AFF2: variants seen among roughly 807,000 people sequenced by gnomAD.
The protein encoded by AFF2 is AF4/FMR2 family member 2.
A neutral mutation model predicts 76.9 loss-of-function variants in AFF2; 14 were observed. The ratio of observed to expected loss-of-function variants is 0.18; its 90% CI spans 0.12 to 0.28. The LOEUF (loss-of-function observed/expected upper bound fraction) is 0.28, where lower values mean the gene tolerates loss of function less well. Ranked by LOEUF, AFF2 falls within the 10% of genes least tolerant of loss-of-function variation. The pLI is 1.00. For synonymous variants in AFF2, 398 were observed against 366.7 expected (o/e 1.09, Z -0.98); for missense variants, 868 against 1,001.1 (o/e 0.87, Z 1.79).
At chrX:148,828,973 G>A (rs2070420812) in intron 4 of AFF2, among the ~76,000 whole-genome samples, 1 of 111,825 alleles carries the variant, frequency 8.9e-6, no homozygotes, top group South Asian at 3.8e-4. Flanking sequence ...TGGTTTGGGG[G>A]CTGCCAGGAT....
At chrX:148,959,700 C>T (rs1252649160) in intron 12 of AFF2, among the ~76,000 whole-genome samples, 3 of 112,440 alleles carry the variant, frequency 2.7e-5, no homozygotes, top group African/African-American at 9.7e-5. Flanking sequence ...CACATACATA[C>T]TTGAAGTTCT....
At chrX:148,707,352 G>T (rs1569553850) in intron 3 of AFF2, among the ~76,000 whole-genome samples, 2 of 110,787 alleles carry the variant, frequency 1.8e-5, no homozygotes, top group East Asian at 5.6e-4. Flanking sequence ...TGTATTGTAG[G>T]CATTAACATA....
chrX:148,782,674 G>C (rs141771935), intron 3 of AFF2, among the ~76,000 whole-genome samples: 4,495 of 111,361 alleles, frequency 0.04, 108 homozygotes, highest in Middle Eastern at 0.078. Context: ...TCAGTAATAT[G>C]TTTAGCATAA....
intron 3 of AFF2, among the ~76,000 whole-genome samples, chrX:148,733,978 T>C (rs781827553): frequency 1.8e-5 from 2 of 112,389 alleles, no homozygotes; most frequent in Non-Finnish European, 3.8e-5. Flanking sequence ...TAAATATCCT[T>C]GCATGGCATC....
chrX:148,936,958 T>G (rs2071781901), intron 9 of AFF2, among the ~76,000 whole-genome samples: 1 of 112,151 alleles, frequency 8.9e-6, no homozygotes. Flanking sequence ...GGTTAATATG[T>G]GACATTACTC....
chrX:148,687,063 G>A (rs1407840457), intron 3 of AFF2, among the ~76,000 whole-genome samples: 6 of 111,593 alleles, frequency 5.4e-5, no homozygotes, highest in African/African-American at 2.0e-4. Flanking sequence ...ATACTTTAAC[G>A]CTTAAGCAGT....
chrX:148,562,820 G>T (rs1398034786), intron 1 of AFF2, among the ~76,000 whole-genome samples: 1 of 111,947 alleles, frequency 8.9e-6, no homozygotes, highest in African/African-American at 3.3e-5. Context: ...ACTAGGTACT[G>T]GGGGCTCAGT....
rs368156666 is a variant in AFF2 at position 148,602,924 on chromosome X, A to G, written c.48-49075A>G. Among the ~76,000 whole-genome samples the G allele has an allele frequency of 1.1e-3, 124 of 110,649 alleles. 1 individual carries two copies. In the South Asian group the frequency reaches 0.046, roughly 41 times the overall value. On this transcript the variant is annotated intron_variant, in intron 1 of 20. Transcript: ENST00000370460. ...AATGCTTAGTAGATAATTACAAAGG[A>G]GTCTTAGGAGAGAAACAACTTTGGA...
chrX:148,576,941 T>G (rs1008755191), intron 1 of AFF2, among the ~76,000 whole-genome samples: 1 of 111,915 alleles, frequency 8.9e-6, no homozygotes, highest in Non-Finnish European at 1.9e-5. Flanking sequence ...TGTTTTCACA[T>G]GCAAGCTTCT....
chrX:148,527,990 C>G (rs782333973), intron 1 of AFF2, among the ~76,000 whole-genome samples: 1 of 111,986 alleles, frequency 8.9e-6, no homozygotes, highest in Admixed American at 9.5e-5. Context: ...TTTAGCAGCT[C>G]TCCAATGACC....
chrX:148,668,182 C>G (rs893481417), intron 3 of AFF2, among the ~76,000 whole-genome samples: 6 of 113,288 alleles, frequency 5.3e-5, no homozygotes, highest in African/African-American at 1.9e-4. Context: ...TGTCTCACAT[C>G]CAGGTCATGC....
At chrX:148,639,018 A>C (rs1386093155) in intron 1 of AFF2, among the ~76,000 whole-genome samples, 2 of 112,107 alleles carry the variant, frequency 1.8e-5, no homozygotes, top group East Asian at 5.6e-4. Flanking sequence ...CTGGACTCAG[A>C]CAATCTGCAT....
intron 3 of AFF2, among the ~76,000 whole-genome samples, chrX:148,806,919 G>A (rs925791804): frequency 2.7e-5 from 3 of 112,428 alleles, no homozygotes; most frequent in African/African-American, 9.7e-5. Flanking sequence ...AAGCACTTGC[G>A]GTTCAAATGT....
intron 3 of AFF2, among the ~76,000 whole-genome samples, chrX:148,688,665 C>T (rs1233179917): frequency 9.0e-6 from 1 of 111,233 alleles, no homozygotes; most frequent in Non-Finnish European, 1.9e-5. Context: ...GGGATGCGTT[C>T]TGAGAAGTGC....
intron 9 of AFF2, among the ~76,000 whole-genome samples, chrX:148,910,807 C>G (rs782436537): frequency 2.7e-5 from 3 of 111,558 alleles, no homozygotes; most frequent in African/African-American, 9.8e-5. Flanking sequence ...GAGCTCTTCA[C>G]TTGGTACTGA....
chrX:148,573,108 G>A (rs1017149422), intron 1 of AFF2, among the ~76,000 whole-genome samples: 6 of 111,684 alleles, frequency 5.4e-5, no homozygotes, highest in Non-Finnish European at 1.1e-4. Flanking sequence ...CTTAAAAATT[G>A]TTAGGGAAAT....
At chrX:148,970,835 C>A (rs1003325658) in intron 15 of AFF2, among the ~76,000 whole-genome samples, 63 of 111,825 alleles carry the variant, frequency 5.6e-4, no homozygotes, top group Non-Finnish European at 1.0e-3. Context: ...AAATTGATGT[C>A]CTCACAAAGA....
At chrX:148,623,158 T>C (rs1557251482) in intron 1 of AFF2, among the ~76,000 whole-genome samples, 1 of 111,856 alleles carries the variant, frequency 8.9e-6, no homozygotes, top group Non-Finnish European at 1.9e-5. Context: ...TGTATTTTTC[T>C]GGGCAAACCA....
At chrX:148,963,838 G>A (rs1370790735) in intron 13 of AFF2, among the ~76,000 whole-genome samples, 2 of 111,991 alleles carry the variant, frequency 1.8e-5, no homozygotes, top group Non-Finnish European at 1.9e-5. Context: ...GTGGAGACAC[G>A]AAGCTGGCTT....
Sources: allele counts gnomAD v4.1 joint callset (sites outside exome capture counted in the v4.1 genomes callset), GRCh38; gene constraint gnomAD v4.1.1; transcripts MANE v1.5; gene names NCBI Gene and HGNC (gene_info 2026-07-23, HGNC 2026-07-21).